CTNNA3: variants seen among roughly 807,000 people sequenced by gnomAD.
The protein encoded by CTNNA3 is catenin alpha 3.
Under a neutral mutation model 95.7 loss-of-function variants are expected in CTNNA3, and 76 were observed. The observed-to-expected ratio is 0.79, with a 90% CI of 0.66 to 0.96. The LOEUF (loss-of-function observed/expected upper bound fraction) is 0.96, where lower values mean the gene tolerates loss of function less well. Among genes scored for constraint, CTNNA3 ranks in the 40% least tolerant of loss-of-function variants. The pLI is 0.00. For missense variants in CTNNA3, 1,191 were observed against 1,089.8 expected (o/e 1.09, Z -1.31); for synonymous variants, 431 against 374.4 (o/e 1.15, Z -1.74).
At chr10:67,262,527 C>T (rs570936225) in intron 5 of CTNNA3, among the ~76,000 whole-genome samples, 26 of 152,132 alleles carry the variant, frequency 1.7e-4, no homozygotes, top group African/African-American at 6.0e-4. Context: ...TAAGGGTATC[C>T]TACAAAGGCA....
At chr10:66,348,654 AC>A (rs1450737424) in intron 12 of CTNNA3, among the ~76,000 whole-genome samples, 1 of 152,128 alleles carries the variant, frequency 6.6e-6, no homozygotes, top group African/African-American at 2.4e-5. Context: ...AAAGAGACAT[AC>A]ATTTTAATAA....
At chr10:66,983,365 C>T (rs966950520) in intron 7 of CTNNA3, among the ~76,000 whole-genome samples, 1 of 152,084 alleles carries the variant, frequency 6.6e-6, no homozygotes, top group South Asian at 2.1e-4. Context: ...GCAGGGGCAG[C>T]CCCAACTAAT....
rs377069841 is a variant in CTNNA3 at position 66,053,339 on chromosome 10, A to T, written c.2159+15969T>A. Reference sequence around the variant, plus strand: ...TTTTTCACACATTTTTACATTTTTAATTTTATTTTTTAAACTTTGTTTTGT... The same window carrying T: ...TTTTTCACACATTTTTACATTTTTATTTTTATTTTTTAAACTTTGTTTTGT... On this transcript the variant is annotated intron_variant, in intron 15 of 17. Coordinates refer to ENST00000433211, the MANE Select transcript of CTNNA3 (RefSeq NM_013266.4). 2.0e-4 allele frequency among the ~76,000 whole-genome samples: 31 copies of T among 151,768 alleles called. No individual in the cohort carries two copies. The East Asian group carries it at 2.1e-3, about 10-fold the overall frequency.
intron 7 of CTNNA3, among the ~76,000 whole-genome samples, chr10:66,900,512 C>T (rs553130774): frequency 9.3e-4 from 141 of 152,152 alleles, no homozygotes; most frequent in Middle Eastern, 6.8e-3. Context: ...GAAAGCTGGA[C>T]GGAGAATGAC....
chr10:66,749,644 G>C (rs2132723381), intron 9 of CTNNA3, among the ~76,000 whole-genome samples: 1 of 152,120 alleles, frequency 6.6e-6, no homozygotes, highest in Non-Finnish European at 1.5e-5. Flanking sequence ...TCATGTTTTG[G>C]CAATTATGAA....
intron 13 of CTNNA3, among the ~76,000 whole-genome samples, chr10:66,139,468 T>C (rs1040815614): frequency 6.6e-6 from 1 of 152,144 alleles, no homozygotes; most frequent in Admixed American, 6.5e-5. Flanking sequence ...ACTACAATAC[T>C]CTTGATTCAA....
At chr10:66,550,560 TG>T (rs1842183527) in intron 10 of CTNNA3, among the ~76,000 whole-genome samples, 1 of 152,150 alleles carries the variant, frequency 6.6e-6, no homozygotes, top group East Asian at 1.9e-4. Flanking sequence ...CCATATGGCC[TG>T]CAAGATGAAA....
At chr10:66,020,966 T>C (rs2133423879) in intron 15 of CTNNA3, among the ~76,000 whole-genome samples, 1 of 152,236 alleles carries the variant, frequency 6.6e-6, no homozygotes, top group Non-Finnish European at 1.5e-5. Context: ...AGCCACTGCA[T>C]CCGGCCGATG....
At chr10:67,393,162 T>G (rs1011273294) in intron 5 of CTNNA3, among the ~76,000 whole-genome samples, 3 of 152,132 alleles carry the variant, frequency 2.0e-5, no homozygotes, top group Non-Finnish European at 4.4e-5. Flanking sequence ...TCATCAATAT[T>G]TACTGGTCAC....
chr10:67,255,734 C>A (rs1866324049), intron 5 of CTNNA3, among the ~76,000 whole-genome samples: 3 of 152,116 alleles, frequency 2.0e-5, no homozygotes, highest in African/African-American at 7.2e-5. Context: ...GTCGGACTTT[C>A]CAGTAAGAAC....
intron 3 of CTNNA3, among the ~76,000 whole-genome samples, chr10:67,580,972 G>T (rs1307074673): frequency 1.3e-5 from 2 of 152,130 alleles, no homozygotes; most frequent in Non-Finnish European, 2.9e-5. Context: ...AGACAATGGG[G>T]TTTTCTAGAT....
At chr10:67,742,426 A>C (rs1424349107) in intron 1 of CTNNA3, among the ~76,000 whole-genome samples, 1 of 151,368 alleles carries the variant, frequency 6.6e-6, no homozygotes, top group Non-Finnish European at 1.5e-5. Flanking sequence ...AAATGAAGGC[A>C]GAAACAAAGA....
chr10:66,520,699 C>T lies in CTNNA3; in HGVS notation c.1449G>A (p.Lys483=). The change falls in exon 11 of 18, where the codon AAG becomes AAA. Residue 483 remains lysine (K), a synonymous_variant. Transcript: ENST00000433211. ...QAVKNTMEMY[K]RTWENHIHVL... ...CATGTATATGATTCTCCCATGTACG[C>T]TTGTACATTTCCATGGTGTTTTTGA... The T allele has an allele frequency of 6.2e-7, 1 of 1,611,638 alleles. No individual in the cohort carries two copies. Among genetic ancestry groups the T allele is most frequent in the Non-Finnish European group, 8.5e-7 (1 of 1,178,616 alleles).
At chr10:66,114,362 ATG>A (rs1222786644) in intron 13 of CTNNA3, among the ~76,000 whole-genome samples, 11 of 151,620 alleles carry the variant, frequency 7.3e-5, no homozygotes, top group South Asian at 4.2e-4. Context: ...CTGTATATAT[ATG>A]TGTGTGTGTG....
chr10:67,178,974 C>T (rs1181854065), intron 7 of CTNNA3, among the ~76,000 whole-genome samples: 1 of 151,984 alleles, frequency 6.6e-6, no homozygotes, highest in East Asian at 1.9e-4. Flanking sequence ...TTTGATTTAT[C>T]GACAGGTGAG....
intron 7 of CTNNA3, among the ~76,000 whole-genome samples, chr10:67,129,362 CT>C (rs1342167881): frequency 2.0e-5 from 3 of 152,150 alleles, no homozygotes; most frequent in Admixed American, 6.6e-5. Context: ...TTAAAAGTAT[CT>C]CAAATCCTGA....
At chr10:67,687,457 C>T (rs1347686800) in intron 1 of CTNNA3, among the ~76,000 whole-genome samples, 7 of 152,160 alleles carry the variant, frequency 4.6e-5, no homozygotes, top group African/African-American at 2.4e-5. Context: ...GATTGACCTG[C>T]TCTATTTTCT....
At chr10:67,179,388 A>G (rs1220954094) in intron 7 of CTNNA3, among the ~76,000 whole-genome samples, 1 of 150,810 alleles carries the variant, frequency 6.6e-6, no homozygotes, top group Non-Finnish European at 1.5e-5. Flanking sequence ...ATGAAGAGAT[A>G]TGTATTTCAT....
At chr10:67,027,475 C>G (rs1274068505) in intron 7 of CTNNA3, among the ~76,000 whole-genome samples, 3 of 147,020 alleles carry the variant, frequency 2.0e-5, no homozygotes, top group Admixed American at 6.8e-5. Context: ...CGCTCTGTCA[C>G]CCAGGCTGGA....
Sources: gnomAD v4.1 joint callset for allele counts (sites outside exome capture counted in the v4.1 genomes callset) on GRCh38, gnomAD v4.1.1 for gene constraint, MANE v1.5 for transcripts, NCBI Gene and HGNC (gene_info 2026-07-23, HGNC 2026-07-21) for gene names.